TCF7L2: variants seen among roughly 807,000 people sequenced by gnomAD.
TCF7L2 encodes the protein transcription factor 7-like 2.
Under a neutral mutation model 77.9 loss-of-function variants are expected in TCF7L2, and 23 were observed. That is an observed-to-expected ratio of 0.30 (90% CI 0.21 to 0.42). TCF7L2 has a LOEUF of 0.42. Ranked by LOEUF, TCF7L2 falls within the 10% of genes least tolerant of loss-of-function variation. The probability of loss-of-function intolerance (pLI) is 1.00; values close to 1 mark genes in which losing one functional copy is unlikely to be tolerated. For missense variants in TCF7L2, 654 were observed against 793.1 expected, an observed-to-expected ratio of 0.82 and a Z score of 2.11; for synonymous variants, 413 against 340.2, an observed-to-expected ratio of 1.21 and a Z score of -2.36.
chr10:113,015,384 C>G lies in TCF7L2; in HGVS notation c.451-24641C>G, dbSNP rs141838873. 9.1e-4 allele frequency among the ~76,000 whole-genome samples: 139 copies of G among 151,914 alleles called. 3 individuals are homozygous for G. The East Asian group carries it at 0.024, about 26-fold the overall frequency. Reference sequence around the variant, plus strand: ...CCCCAGAATGGAGGCGCATGAGGCCCTGGCAGCTCCCTGCCTCGTGCCAGG... The same window carrying G: ...CCCCAGAATGGAGGCGCATGAGGCCGTGGCAGCTCCCTGCCTCGTGCCAGG... On this transcript the variant is annotated intron_variant, in intron 4 of 13. Coordinates refer to ENST00000627217, the MANE Select transcript of TCF7L2 (RefSeq NM_001146274.2).
In TCF7L2 at chr10:113,097,670, A is replaced by C. The variant is rs1273420195; in HGVS notation, c.553-43514A>C. On this transcript the variant is annotated intron_variant, in intron 5 of 13. Coordinates refer to ENST00000627217, the MANE Select transcript of TCF7L2 (RefSeq NM_001146274.2). ...GGAAAAAAAAAAAAAAAAAAAAAAA[A>C]AAAACAACCATGAGAAAGATATATG... 2.7e-4 allele frequency among the ~76,000 whole-genome samples: 34 copies of C among 123,956 alleles called. No homozygotes were observed. In the East Asian group the frequency reaches 3.9e-3, roughly 14 times the overall value. 81.3% of individuals were successfully genotyped at this position (123,956 alleles called of 152,430 possible).
At chr10:113,104,882 A>T (rs2062090887) in intron 5 of TCF7L2, among the ~76,000 whole-genome samples, 1 of 152,158 alleles carries the variant, frequency 6.6e-6, no homozygotes. Flanking sequence ...AGTTCCTCGA[A>T]GTCATGGGGT....
At chr10:113,046,548 G>A (rs930938355) in intron 5 of TCF7L2, among the ~76,000 whole-genome samples, 17 of 152,088 alleles carry the variant, frequency 1.1e-4, no homozygotes, top group African/African-American at 3.1e-4. Flanking sequence ...CACCTTACAT[G>A]TCTTGACAAT....
intron 5 of TCF7L2, among the ~76,000 whole-genome samples, chr10:113,080,223 A>G (rs2059184522): frequency 6.6e-6 from 1 of 151,890 alleles, no homozygotes; most frequent in Non-Finnish European, 1.5e-5. Flanking sequence ...GGCGCAAGAG[A>G]TAATTCATCC....
chr10:112,965,023 G>T (rs996137717), intron 4 of TCF7L2, among the ~76,000 whole-genome samples: 1 of 152,082 alleles, frequency 6.6e-6, no homozygotes, highest in African/African-American at 2.4e-5. Flanking sequence ...GTAAAACGGG[G>T]TGGCACAATG....
rs1407836507 is a variant in TCF7L2 at position 113,166,937 on chromosome 10, A to G, written c.*965A>G. On this transcript the variant is annotated 3_prime_UTR_variant, in exon 14 of 14. Coordinates refer to ENST00000627217, the MANE Select transcript of TCF7L2 (RefSeq NM_001146274.2). ...AAGCCATTATGTAAAACAAGACTTG[A>G]AAATGAGTGAGGGAATTTTAGCGAC... is the stretch of plus-strand genomic sequence containing the variant. 8.7e-6 allele frequency: 2 copies of G among 230,802 alleles called. No individual in the cohort carries two copies. The highest frequency in any genetic ancestry group is 4.4e-5 in the African/African-American group (2 of 45,220). The allele number at this position is 230,802 out of a possible 1,614,324, so 14.3% of individuals were successfully genotyped here. A position where few individuals can be genotyped will look rare whatever the true frequency, so the allele number is the denominator to read the frequency against.
At chr10:113,113,570 T>G (rs554962475) in intron 5 of TCF7L2, among the ~76,000 whole-genome samples, 4 of 152,322 alleles carry the variant, frequency 2.6e-5, no homozygotes, top group Non-Finnish European at 2.9e-5. Context: ...CTTAGAACAG[T>G]GTTCACCCCC....
chr10:113,080,543 G>A lies in TCF7L2; in HGVS notation c.552+40417G>A, dbSNP rs150084607. On this transcript the variant is annotated intron_variant, in intron 5 of 13. Transcript: ENST00000627217. ...GTGTTCCCATTCTGAACAAGGTGGT[G>A]TCAAGTTGATCCTGCCTGTGGGAAT... Among the ~76,000 whole-genome samples, 126 of 152,300 alleles carry A rather than the reference G, an allele frequency of 8.3e-4. 2 individuals carry two copies. The highest frequency in any genetic ancestry group is 2.1e-3 in the South Asian group (10 of 4,826).
intron 5 of TCF7L2, among the ~76,000 whole-genome samples, chr10:113,068,725 T>A (rs2057567388): frequency 6.6e-6 from 1 of 152,082 alleles, no homozygotes; most frequent in Non-Finnish European, 1.5e-5. Context: ...GGCTGTTCCC[T>A]TGGGCTCTCT....
intron 4 of TCF7L2, among the ~76,000 whole-genome samples, chr10:112,972,118 T>C (rs2038406548): frequency 2.6e-5 from 4 of 152,146 alleles, no homozygotes; most frequent in Admixed American, 2.6e-4. Flanking sequence ...CTTAGAGTCT[T>C]CTGAAACCAA....
intron 13 of TCF7L2, among the ~76,000 whole-genome samples, chr10:113,163,117 G>A (rs1239362588): frequency 6.6e-6 from 1 of 152,040 alleles, no homozygotes; most frequent in Non-Finnish European, 1.5e-5. Context: ...GCCACCTTAG[G>A]AGACCCATTG....
chr10:113,098,053 A>G (rs1166331777), intron 5 of TCF7L2, among the ~76,000 whole-genome samples: 1 of 148,142 alleles, frequency 6.8e-6, no homozygotes, highest in African/African-American at 2.5e-5. Context: ...CTGTCTCAAA[A>G]AAAAAAAAAA....
chr10:113,028,458 CAT>C (rs1564801746), intron 4 of TCF7L2, among the ~76,000 whole-genome samples: 1 of 152,146 alleles, frequency 6.6e-6, no homozygotes, highest in Admixed American at 6.5e-5. Flanking sequence ...AGCATCTCCA[CAT>C]GTTTGTCACA....
intron 5 of TCF7L2, among the ~76,000 whole-genome samples, chr10:113,052,396 A>G (rs2054628266): frequency 6.6e-6 from 1 of 152,224 alleles, no homozygotes; most frequent in African/African-American, 2.4e-5. Flanking sequence ...TGTTTTAGGC[A>G]GTCAAGCTTT....
intron 12 of TCF7L2, 63 bp downstream of exon 14, chr10:113,160,055 C>T: frequency 2.8e-6 from 4 of 1,447,082 alleles, no homozygotes; most frequent in Non-Finnish European, 3.9e-6. Context: ...TCCTCTCCCC[C>T]TTCTCTGGCC....
intron 5 of TCF7L2, among the ~76,000 whole-genome samples, chr10:113,074,020 C>T (rs987730339): frequency 3.9e-5 from 6 of 152,118 alleles, no homozygotes; most frequent in South Asian, 2.1e-4. Flanking sequence ...ACTCTGGTGT[C>T]GGCCGCTGGT....
intron 3 of TCF7L2, among the ~76,000 whole-genome samples, chr10:112,958,357 A>C (rs557878847): frequency 1.3e-5 from 2 of 152,326 alleles, no homozygotes; most frequent in Non-Finnish European, 2.9e-5. Flanking sequence ...TTAGCAGGGC[A>C]CAGCACATTT....
intron 5 of TCF7L2, among the ~76,000 whole-genome samples, chr10:113,048,210 A>G (rs139239311): frequency 1.3e-5 from 2 of 152,290 alleles, no homozygotes; most frequent in East Asian, 3.9e-4. Context: ...ATGTGCGCCT[A>G]CTTAGAGCTA....
chr10:112,998,411 A>T (rs951355896), intron 4 of TCF7L2, among the ~76,000 whole-genome samples: 1 of 152,212 alleles, frequency 6.6e-6, no homozygotes, highest in African/African-American at 2.4e-5. Context: ...AGAAAAAGGG[A>T]GAAAGCAGGA....
Sources: gnomAD v4.1 joint callset for allele counts (sites outside exome capture counted in the v4.1 genomes callset) on GRCh38, gnomAD v4.1.1 for gene constraint, MANE v1.5 for transcripts, NCBI Gene and HGNC (gene_info 2026-07-23, HGNC 2026-07-21) for gene names.